Variants in MAP2K4 observed in about 807,000 individuals in gnomAD.
The protein encoded by MAP2K4 is dual specificity mitogen-activated protein kinase kinase 4.
MAP2K4 carries 4 observed loss-of-function variants against 48.5 expected under a neutral mutation model. The ratio of observed to expected loss-of-function variants is 0.08; its 90% CI spans 0.04 to 0.19. The LOEUF is 0.19. MAP2K4 is among the 10% of genes least tolerant of loss of function. The pLI, the probability that MAP2K4 is intolerant of heterozygous loss-of-function variation, is 1.00. For synonymous variants in MAP2K4, 166 were observed against 173.1 expected (o/e 0.96, Z 0.32); for missense variants, 258 against 493.3 (o/e 0.52, Z 4.52).
At position 12,020,904 on chromosome 17, in the gene MAP2K4, G is replaced by GAGCGGCGGCGGCGGCTCCGGGGGCGGC. The variant is rs1160295144; in HGVS notation, c.25_51dup (p.Gly9_Gly17dup). 1.8e-6 allele frequency: 2 copies of GAGCGGCGGCGGCGGCTCCGGGGGCGGC among 1,139,316 alleles called. No homozygotes were observed. Among genetic ancestry groups the GAGCGGCGGCGGCGGCTCCGGGGGCGGC allele is most frequent in the Non-Finnish European group, 1.1e-6 (1 of 930,786 alleles). 70.6% of individuals were successfully genotyped at this position (1,139,316 alleles called of 1,614,324 possible). A position where few individuals can be genotyped will look rare whatever the true frequency, so the allele number is the denominator to read the frequency against. Reference sequence around the variant, plus strand: ...TCCCAACAATGGCGGCTCCGAGCCCGAGCGGCGGCGGCGGCTCCGGGGGCG... The same window carrying GAGCGGCGGCGGCGGCTCCGGGGGCGGC: ...TCCCAACAATGGCGGCTCCGAGCCCGAGCGGCGGCGGCGGCTCCGGGGGCGGCAGCGGCGGCGGCGGCTCCGGGGGCG... On this transcript the variant is annotated inframe_insertion, in exon 1 of 11. Transcript: ENST00000353533.
chr17:12,056,279 GAC>G lies in MAP2K4; in HGVS notation c.218+1290_218+1291del, dbSNP rs1970280413. The stretch of plus-strand genomic sequence containing the variant: ...AAAAGCCTTTTTGGACAAGGAGAAA[GAC>G]AACCTGACTTAAATTAAAACTGGAA... On this transcript the variant is annotated intron_variant, in intron 2 of 10. Transcript: ENST00000353533. Among the ~76,000 whole-genome samples the G allele has an allele frequency of 3.9e-5, 6 of 152,048 alleles. No homozygotes were observed. The Middle Eastern group carries it at 0.014, about 345-fold the overall frequency.
At chr17:12,123,689 A>AC (rs1972765750) in intron 7 of MAP2K4, among the ~76,000 whole-genome samples, 1 of 152,028 alleles carries the variant, frequency 6.6e-6, no homozygotes, top group Non-Finnish European at 1.5e-5. Flanking sequence ...TCTTCTGAGC[A>AC]CTACTTCTAT....
chr17:12,059,736 A>G (rs1332032406), intron 2 of MAP2K4, among the ~76,000 whole-genome samples: 1 of 152,218 alleles, frequency 6.6e-6, no homozygotes, highest in Non-Finnish European at 1.5e-5. Context: ...GGAGTAGTTT[A>G]AAGAGGTTTC....
chr17:12,062,135 G>A (rs10445266), intron 2 of MAP2K4, among the ~76,000 whole-genome samples: 68,109 of 150,362 alleles, frequency 0.45, 16,493 homozygotes, highest in East Asian at 0.58. Flanking sequence ...TTGCACTTGA[G>A]GTCTGCTTCA....
intron 7 of MAP2K4, among the ~76,000 whole-genome samples, chr17:12,120,543 C>T (rs77350265): frequency 7.2e-6 from 1 of 139,332 alleles, no homozygotes; most frequent in African/African-American, 2.6e-5. Context: ...TTCCCCCCCC[C>T]ATAAAAAAGA....
chr17:12,078,920 A>G (rs1204515125), intron 2 of MAP2K4, among the ~76,000 whole-genome samples: 2 of 152,212 alleles, frequency 1.3e-5, no homozygotes, highest in Admixed American at 6.5e-5. Flanking sequence ...TTTGCTGGAA[A>G]GATCGCTAGC....
chr17:12,142,921 G>A lies in MAP2K4; in HGVS notation c.*1661G>A, dbSNP rs994677092. 3.0e-5 allele frequency: 7 copies of A among 232,526 alleles called. No homozygotes were observed. The highest frequency in any genetic ancestry group is 1.7e-4 in the Admixed American group (3 of 17,762). The allele number at this position is 232,526 out of a possible 1,614,324, so 14.4% of individuals were successfully genotyped here. A position where few individuals can be genotyped will look rare whatever the true frequency, so the allele number is the denominator to read the frequency against. ...GGTGATGCCATTACAGAACCAAATCGTGGCACGTATTGCTGTGTCTCCTCT... is the reference window on the plus strand; with the variant it reads ...GGTGATGCCATTACAGAACCAAATCATGGCACGTATTGCTGTGTCTCCTCT... On this transcript the variant is annotated 3_prime_UTR_variant, in exon 11 of 11. Coordinates refer to ENST00000353533, the MANE Select transcript of MAP2K4 (RefSeq NM_003010.4).
chr17:12,088,539 AAAT>A (rs1206387268), intron 3 of MAP2K4, among the ~76,000 whole-genome samples: 41 of 74,306 alleles, frequency 5.5e-4, no homozygotes, highest in Admixed American at 2.0e-3. Context: ...AATATATATT[AAAT>A]TATATCTAAT....
intron 4 of MAP2K4, among the ~76,000 whole-genome samples, chr17:12,099,877 T>A (rs1401504083): frequency 6.6e-6 from 1 of 152,210 alleles, no homozygotes; most frequent in Non-Finnish European, 1.5e-5. Context: ...AAACATCTTT[T>A]GAGGTTGGGC....
At chr17:12,041,983 C>T (rs1413187062) in intron 1 of MAP2K4, among the ~76,000 whole-genome samples, 1 of 151,694 alleles carries the variant, frequency 6.6e-6, no homozygotes, top group Non-Finnish European at 1.5e-5. Context: ...GAGTTTGAGA[C>T]CAGCCTGGCC....
At chr17:12,090,132 A>G (rs761829656) in intron 3 of MAP2K4, among the ~76,000 whole-genome samples, 9 of 152,206 alleles carry the variant, frequency 5.9e-5, no homozygotes, top group Non-Finnish European at 1.2e-4. Context: ...TCTTTTGAGT[A>G]TATAATGACC....
intron 2 of MAP2K4, among the ~76,000 whole-genome samples, chr17:12,055,418 T>G (rs1367648646): frequency 6.6e-6 from 1 of 152,094 alleles, no homozygotes. Context: ...TTCAGAACAA[T>G]ATTTTACATT....
chr17:12,077,524 T>C (rs1287494697), intron 2 of MAP2K4, among the ~76,000 whole-genome samples: 1 of 152,228 alleles, frequency 6.6e-6, no homozygotes, highest in African/African-American at 2.4e-5. Flanking sequence ...TTCACTGTTA[T>C]TGGAGTCAAT....
chr17:12,141,389 C>G lies in MAP2K4; in HGVS notation c.*129C>G, dbSNP rs1162191662. The G allele has an allele frequency of 5.6e-6, 4 of 710,422 alleles. No individual in the cohort carries two copies. Among genetic ancestry groups the G allele is most frequent in the Non-Finnish European group, 1.0e-5 (4 of 396,388 alleles). The allele number at this position is 710,422 out of a possible 1,614,324, so 44.0% of individuals were successfully genotyped here. On this transcript the variant is annotated 3_prime_UTR_variant, in exon 11 of 11. Coordinates refer to ENST00000353533, the MANE Select transcript of MAP2K4 (RefSeq NM_003010.4). ...TGTGCAATAAGATTGGTGTTCGTTT[C>G]CATCATGTCTGTATACTCCTGTCAC...
intron 2 of MAP2K4, among the ~76,000 whole-genome samples, chr17:12,068,466 A>T (rs1970684337): frequency 6.6e-6 from 1 of 152,206 alleles, no homozygotes; most frequent in Non-Finnish European, 1.5e-5. Flanking sequence ...CAATAGTATT[A>T]AATTGATGAC....
chr17:12,100,860 T>C (rs181250156), intron 4 of MAP2K4, among the ~76,000 whole-genome samples: 1 of 152,304 alleles, frequency 6.6e-6, no homozygotes, highest in African/African-American at 2.4e-5. Context: ...CGTATATCTT[T>C]GATGAAGTTC....
At chr17:12,073,652 G>A (rs1970893341) in intron 2 of MAP2K4, among the ~76,000 whole-genome samples, 1 of 151,962 alleles carries the variant, frequency 6.6e-6, no homozygotes. Flanking sequence ...AGAATAAACT[G>A]TACATATTTA....
rs541434323 is a variant in MAP2K4 at position 12,139,243 on chromosome 17, A to G, written c.1041-596A>G. Among the ~76,000 whole-genome samples the G allele has an allele frequency of 2.1e-3, 323 of 152,346 alleles. 1 individual carries two copies. The highest frequency in any genetic ancestry group is 6.9e-3 in the African/African-American group (287 of 41,578). On this transcript the variant is annotated intron_variant, in intron 9 of 10. Coordinates refer to ENST00000353533, the MANE Select transcript of MAP2K4 (RefSeq NM_003010.4). The stretch of plus-strand genomic sequence containing the variant: ...TACTTTTGGCAGCTTTAATTAGGCA[A>G]GGTAGAATTCAAGGAGAAAATGTCA...
chr17:12,128,419 T>G (rs1972923587), intron 8 of MAP2K4, among the ~76,000 whole-genome samples: 1 of 152,148 alleles, frequency 6.6e-6, no homozygotes, highest in Admixed American at 6.5e-5. Flanking sequence ...GAAAGGGAGA[T>G]AGATGAGAAT....
Sources: allele counts gnomAD v4.1 joint callset (sites outside exome capture counted in the v4.1 genomes callset), GRCh38; gene constraint gnomAD v4.1.1; transcripts MANE v1.5; gene names NCBI Gene and HGNC (gene_info 2026-07-23, HGNC 2026-07-21).